Variants in AQR observed in about 807,000 individuals in gnomAD.
AQR encodes RNA helicase aquarius.
A neutral mutation model predicts 180.5 loss-of-function variants in AQR; 61 were observed. That is an observed-to-expected ratio of 0.34 (90% CI 0.28 to 0.42). The LOEUF (loss-of-function observed/expected upper bound fraction) is 0.42, where lower values mean the gene tolerates loss of function less well. Among genes scored for constraint, AQR ranks in the 10% least tolerant of loss-of-function variants. AQR has a pLI of 1.00. For missense variants in AQR, 1,281 were observed against 1,798.3 expected (o/e 0.71, Z 5.20); for synonymous variants, 551 against 588.8 (o/e 0.94, Z 0.93).
chr15:34,864,064 T>C (rs1892708928), intron 32 of AQR, among the ~76,000 whole-genome samples: 1 of 152,158 alleles, frequency 6.6e-6, no homozygotes, highest in Non-Finnish European at 1.5e-5. Flanking sequence ...CTCTGTAACA[T>C]TCAGAGAGAC....
At chr15:34,923,372 A>AT (rs1043407914) in intron 13 of AQR, among the ~76,000 whole-genome samples, 1 of 151,896 alleles carries the variant, frequency 6.6e-6, no homozygotes, top group African/African-American at 2.4e-5. Context: ...TTTAGCCAAT[A>AT]TTTTCTCCTA....
chr15:34,860,088 T>C lies in AQR; in HGVS notation c.4097A>G (p.Tyr1366Cys). ...CTGTATCAAATGCATGTACATGTTG[T>C]ATACAAAGTTTGCCATCTGGGGCAT... ...KNMPQMANFV[Y>C]NMYMHLIQTT... The change falls in exon 34 of 35, where the codon TAC becomes TGC. Residue 1366 changes from tyrosine (Y) to cysteine (C), a missense_variant. Physicochemically the swap from Tyr to Cys is radical, Grantham distance 194. Coordinates refer to ENST00000156471, the MANE Select transcript of AQR (RefSeq NM_014691.3). 1 of 1,524,602 alleles carries C rather than the reference T, an allele frequency of 6.6e-7. No individual in the cohort carries two copies. The highest frequency in any genetic ancestry group is 8.9e-7 in the Non-Finnish European group (1 of 1,123,574). The allele number at this position is 1,524,602 out of a possible 1,614,324, so 94.4% of individuals were successfully genotyped here.
rs185280093 is a variant in AQR, at chr15:34,886,576, C to T, written c.2767G>A (p.Gly923Arg). 5.0e-6 allele frequency: 8 copies of T among 1,613,812 alleles called. No individual in the cohort carries two copies. In the East Asian group the frequency reaches 1.8e-4, roughly 36 times the overall value. Residue 923 changes from glycine (G) to arginine (R), a missense_variant, in exon 25 of 35, where the codon GGA becomes AGA. Gly to Arg is a moderately radical substitution (Grantham distance 125). Coordinates refer to ENST00000156471, the MANE Select transcript of AQR (RefSeq NM_014691.3). Reference sequence around the variant, plus strand: ...GTTTCACAGGTATATGAGGCATCTCCTGGAACCCCTAGACTCTTTTGCAAT... The same window carrying T: ...GTTTCACAGGTATATGAGGCATCTCTTGGAACCCCTAGACTCTTTTGCAAT... ...KRLQKSLGVP[G>R]DASYTCETAG...
chr15:34,923,895 T>C (rs1177293004), intron 13 of AQR, among the ~76,000 whole-genome samples: 1 of 152,248 alleles, frequency 6.6e-6, no homozygotes, highest in Non-Finnish European at 1.5e-5. Context: ...TGGGTTATTA[T>C]AGTTCCTTTG....
rs531380262 is a variant in AQR at position 34,949,154 on chromosome 15, G to A, written c.210-770C>T. Among the ~76,000 whole-genome samples the A allele has an allele frequency of 1.1e-3, 163 of 151,688 alleles. 2 individuals are homozygous for A. Among genetic ancestry groups the A allele is most frequent in the Middle Eastern group, 6.8e-3 (2 of 294 alleles). On this transcript the variant is annotated intron_variant, in intron 4 of 34. Coordinates refer to ENST00000156471, the MANE Select transcript of AQR (RefSeq NM_014691.3). ...ATTACAAGAATGTGCCACCACGCCCGGCTAATTTTTTGTATTTTTAGTAGA... is the reference window on the plus strand; with the variant it reads ...ATTACAAGAATGTGCCACCACGCCCAGCTAATTTTTTGTATTTTTAGTAGA...
At chr15:34,904,269 T>G in intron 19 of AQR, 67 bp downstream of exon 19, 1 of 1,169,186 alleles carries the variant, frequency 8.6e-7, no homozygotes, top group South Asian at 2.2e-5. Context: ...CAAATATCTC[T>G]GTATTTATGT....
intron 27 of AQR, 90 bp from the exon 28 acceptor site, chr15:34,876,096 TTC>T: frequency 1.1e-6 from 1 of 943,902 alleles, no homozygotes; most frequent in Non-Finnish European, 1.7e-6. Flanking sequence ...CCCAAATAAT[TTC>T]TGATAAAAAC....
chr15:34,946,295 T>C (rs181173737), intron 5 of AQR, among the ~76,000 whole-genome samples: 3 of 152,262 alleles, frequency 2.0e-5, no homozygotes, highest in Non-Finnish European at 2.9e-5. Flanking sequence ...CAAAAGAACA[T>C]TGAAATTATA....
intron 31 of AQR, chr15:34,869,063 C>G (rs993964252): frequency 6.6e-5 from 10 of 152,116 alleles, no homozygotes; most frequent in African/African-American, 2.4e-4. Context: ...AAGAAACTGT[C>G]AAACTTTTCC....
At chr15:34,886,205 C>T (rs1296497472) in intron 25 of AQR, among the ~76,000 whole-genome samples, 1 of 151,710 alleles carries the variant, frequency 6.6e-6, no homozygotes, top group East Asian at 1.9e-4. Context: ...CACTGGCTAG[C>T]TAGAATATTT....
At chr15:34,900,548 G>A in intron 20 of AQR, 74 bp downstream of exon 20, 8 of 1,526,070 alleles carry the variant, frequency 5.2e-6, no homozygotes, top group Non-Finnish European at 6.2e-6. Flanking sequence ...ACTCACTTTA[G>A]CTAACAATCC....
chr15:34,943,194 C>T (rs767183531), intron 6 of AQR: 23 of 1,610,310 alleles, frequency 1.4e-5, no homozygotes, highest in South Asian at 7.7e-5. Flanking sequence ...CCAGGGAAAG[C>T]GGCGTTATGA....
In AQR at chr15:34,867,564, G is replaced by T. The variant is rs1389824516; in HGVS notation, c.3814C>A (p.Leu1272Ile). 1 of 1,611,852 alleles carries T rather than the reference G, an allele frequency of 6.2e-7. No individual in the cohort carries two copies. Among genetic ancestry groups the T allele is most frequent in the Non-Finnish European group, 8.5e-7 (1 of 1,179,164 alleles). ...RFQGQQNDYI[L>I]LSLVRTRAVG... Reference sequence around the variant, plus strand: ...GCCCTGGTTCGTACCAGAGAAAGAAGAATATAGTCATTCTGTTGACCTTGA... The same window carrying T: ...GCCCTGGTTCGTACCAGAGAAAGAATAATATAGTCATTCTGTTGACCTTGA... Residue 1272 changes from leucine to isoleucine, a missense_variant, in exon 32 of 35, where the codon CTT becomes ATT. Around this residue, in one of 9 missense-constraint regions of AQR, gnomAD observed 197 missense variants for 320.7 expected, o/e 0.61. Coordinates refer to ENST00000156471, the MANE Select transcript of AQR (RefSeq NM_014691.3).
intron 4 of AQR, among the ~76,000 whole-genome samples, chr15:34,949,331 C>G (rs1894180160): frequency 7.3e-6 from 1 of 136,820 alleles, no homozygotes; most frequent in South Asian, 2.6e-4. Flanking sequence ...TAAAAGTTGG[C>G]CAGGCACAGT....
At chr15:34,946,810 C>T (rs1207481021) in intron 5 of AQR, among the ~76,000 whole-genome samples, 1 of 149,840 alleles carries the variant, frequency 6.7e-6, no homozygotes, top group Non-Finnish European at 1.5e-5. Flanking sequence ...AAGTGAGGGG[C>T]GTCTCTGCCC....
chr15:34,904,621 CATTCTTCCCAAAGTAGAATGCCCTCCA>C (rs965076465), intron 18 of AQR, 116 bp from the exon 19 acceptor site: 1 of 954,852 alleles, frequency 1.0e-6, no homozygotes, highest in Non-Finnish European at 1.5e-6. Context: ...TAACTCCAAC[CATTCTTCCCAAAGTAGAATGCCCTCCA>C]CTCACCCACT....
chr15:34,900,699 C>T lies in AQR; in HGVS notation c.2166G>A (p.Glu722=), dbSNP rs778259860. Reference sequence around the variant, plus strand: ...GACCAGGGAAGCTGGCTTTTAAATGCTCAATGGAGAGAAATGTATCATTGA... The same window carrying T: ...GACCAGGGAAGCTGGCTTTTAAATGTTCAATGGAGAGAAATGTATCATTGA... ...LDFNDTFLSI[E]HLKASFPGHN... The change falls in exon 20 of 35, where the codon GAG becomes GAA. Residue 722 remains glutamate, a synonymous_variant. Coordinates refer to ENST00000156471, the MANE Select transcript of AQR (RefSeq NM_014691.3). The T allele has an allele frequency of 6.2e-7, 1 of 1,614,122 alleles. No homozygotes were observed. The highest frequency in any genetic ancestry group is 8.5e-7 in the Non-Finnish European group (1 of 1,180,000).
chr15:34,877,969 G>A (rs749851145), intron 27 of AQR, among the ~76,000 whole-genome samples: 5 of 152,172 alleles, frequency 3.3e-5, no homozygotes, highest in Non-Finnish European at 7.3e-5. Context: ...TCAGGGTGGT[G>A]TAGGAGTAAG....
At chr15:34,859,909 T>C (rs1892645525) in intron 34 of AQR, 133 bp downstream of exon 34, 3 of 423,952 alleles carry the variant, frequency 7.1e-6, no homozygotes, top group African/African-American at 4.1e-5. Flanking sequence ...ATACGAATGT[T>C]ACATAAATAA....
Sources: gnomAD v4.1 joint callset for allele counts (sites outside exome capture counted in the v4.1 genomes callset) on GRCh38, gnomAD v4.1.1 for gene constraint, gnomAD v4.1.1 regional missense constraint, MANE v1.5 for transcripts, NCBI Gene and HGNC (gene_info 2026-07-23, HGNC 2026-07-21) for gene names.